Variants in TARBP1 observed in about 807,000 individuals in gnomAD.
TARBP1 encodes tRNA (guanosine(18)-2'-O)-methyltransferase TARBP1.
In TARBP1, 144 loss-of-function variants were observed where a neutral mutation model predicts 178.6. The ratio of observed to expected loss-of-function variants is 0.81; its 90% CI spans 0.70 to 0.93. The LOEUF (loss-of-function observed/expected upper bound fraction) is 0.93. Among genes scored for constraint, TARBP1 ranks in the 40% least tolerant of loss-of-function variants. The probability of loss-of-function intolerance (pLI) is 0.00; values close to 1 mark genes in which losing one functional copy is unlikely to be tolerated. For synonymous variants in TARBP1, 787 were observed against 781.0 expected, an observed-to-expected ratio of 1.01 and a Z score of -0.13; for missense variants, 2,067 against 2,011.7, an observed-to-expected ratio of 1.03 and a Z score of -0.53.
At chr1:234,454,302 C>G (rs1299425248) in intron 9 of TARBP1, among the ~76,000 whole-genome samples, 3 of 152,086 alleles carry the variant, frequency 2.0e-5, no homozygotes, top group African/African-American at 4.8e-5. Context: ...TCTGACCAAA[C>G]AGAAAGAAAA....
chr1:234,393,338 A>C, intron 28 of TARBP1, 24 bp downstream of exon 28: 6 of 1,468,772 alleles, frequency 4.1e-6, no homozygotes, highest in Non-Finnish European at 5.5e-6. Context: ...TAAGAACTTT[A>C]ATAATAAATT....
chr1:234,392,331 G>A (rs149666575), intron 29 of TARBP1, 85 bp downstream of exon 29: 81 of 1,523,138 alleles, frequency 5.3e-5, no homozygotes, highest in Admixed American at 2.0e-4. Flanking sequence ...GTGAGACTCC[G>A]TCTCAAAAAC....
intron 5 of TARBP1, among the ~76,000 whole-genome samples, chr1:234,464,715 T>C (rs3754309): frequency 0.084 from 12,723 of 152,216 alleles, 930 homozygotes; most frequent in East Asian, 0.28. Flanking sequence ...AGAAATTGGC[T>C]GGTGGGGGGA....
At chr1:234,401,346 G>A in intron 24 of TARBP1, 84 bp from the exon 25 acceptor site, 1 of 1,053,962 alleles carries the variant, frequency 9.5e-7, no homozygotes, top group Non-Finnish European at 1.4e-6. Context: ...CTTAAAGGGT[G>A]GCTGCAGAGT....
intron 24 of TARBP1, among the ~76,000 whole-genome samples, chr1:234,402,020 C>A (rs928369112): frequency 6.6e-6 from 1 of 152,218 alleles, no homozygotes; most frequent in Non-Finnish European, 1.5e-5. Context: ...GCCCTATCTC[C>A]CCCAACTTCC....
intron 14 of TARBP1, among the ~76,000 whole-genome samples, chr1:234,433,123 A>G (rs921122141): frequency 5.3e-5 from 8 of 152,118 alleles, no homozygotes; most frequent in African/African-American, 1.9e-4. Flanking sequence ...CTGTAATCCC[A>G]GCTACTCAGG....
intron 6 of TARBP1, among the ~76,000 whole-genome samples, 168 bp downstream of exon 6, chr1:234,463,669 A>T (rs539216972): frequency 7.2e-5 from 11 of 152,188 alleles, no homozygotes; most frequent in Non-Finnish European, 4.4e-5. Context: ...TAAAGTGTGT[A>T]CTCAAAAAAG....
At chr1:234,457,521 C>A in intron 9 of TARBP1, 146 bp downstream of exon 9, 1 of 531,266 alleles carries the variant, frequency 1.9e-6, no homozygotes, top group Non-Finnish European at 3.3e-6. Flanking sequence ...TAAGTCCACT[C>A]AAAGCAAATA....
intron 25 of TARBP1, among the ~76,000 whole-genome samples, chr1:234,399,595 T>C (rs917453136): frequency 6.6e-5 from 10 of 152,110 alleles, no homozygotes; most frequent in African/African-American, 1.9e-4. Flanking sequence ...CGTATGTTTA[T>C]TGCGGCACTA....
chr1:234,433,856 C>T (rs1218201195), intron 13 of TARBP1, among the ~76,000 whole-genome samples: 2 of 152,182 alleles, frequency 1.3e-5, no homozygotes, highest in African/African-American at 4.8e-5. Flanking sequence ...GCAGAAATTA[C>T]CATCTACCAA....
intron 26 of TARBP1, among the ~76,000 whole-genome samples, chr1:234,394,369 A>G (rs1045673498): frequency 9.9e-5 from 15 of 152,222 alleles, no homozygotes; most frequent in African/African-American, 3.6e-4. Flanking sequence ...AGGACACAGA[A>G]CGTTACTAGC....
intron 28 of TARBP1, among the ~76,000 whole-genome samples, chr1:234,393,039 G>A (rs1185051695): frequency 6.6e-6 from 1 of 152,004 alleles, no homozygotes; most frequent in Non-Finnish European, 1.5e-5. Flanking sequence ...AAATTTCTAA[G>A]AATTATTCCT....
At chr1:234,408,894 T>C (rs1220083147) in intron 23 of TARBP1, among the ~76,000 whole-genome samples, 1 of 152,208 alleles carries the variant, frequency 6.6e-6, no homozygotes, top group Non-Finnish European at 1.5e-5. Context: ...ATCGGCTCTG[T>C]GTAGGCGGCG....
At position 234,465,710 on chromosome 1, in the gene TARBP1, T is replaced by TA. The variant is rs531256921; in HGVS notation, c.1249-3dup. 152,930 of 1,252,380 alleles carry TA rather than the reference T, an allele frequency of 0.12. 1,799 individuals carry two copies. Among genetic ancestry groups the TA allele is most frequent in the African/African-American group, 0.24 (12,544 of 51,524 alleles). The allele number at this position is 1,252,380 out of a possible 1,614,324, so 77.6% of individuals were successfully genotyped here. A position where few individuals can be genotyped will look rare whatever the true frequency, so the allele number is the denominator to read the frequency against. ...ATCCATTAATGGTCCAATAATAAAC[T>TA]AAAAAAAAAAAAAAAAAAAGACACG... On this transcript the variant is annotated splice_polypyrimidine_tract_variant and splice_region_variant and intron_variant, in intron 4 of 29. Coordinates refer to ENST00000040877, the MANE Select transcript of TARBP1 (RefSeq NM_005646.4).
chr1:234,465,479 C>T (rs3736837), intron 5 of TARBP1, among the ~76,000 whole-genome samples, 177 bp downstream of exon 5: 12,623 of 151,982 alleles, frequency 0.083, 913 homozygotes, highest in East Asian at 0.27. Flanking sequence ...AGGAGAAACA[C>T]TTGATGCAAA....
At chr1:234,449,399 G>C (rs898474983) in intron 10 of TARBP1, among the ~76,000 whole-genome samples, 1 of 152,226 alleles carries the variant, frequency 6.6e-6, no homozygotes, top group African/African-American at 2.4e-5. Flanking sequence ...AGGTAACTCC[G>C]TAAGAGGCAA....
At chr1:234,447,529 G>C (rs1558222081) in intron 11 of TARBP1, among the ~76,000 whole-genome samples, 1 of 151,526 alleles carries the variant, frequency 6.6e-6, no homozygotes, top group African/African-American at 2.4e-5. Context: ...TAAGTAGCTG[G>C]GACCACAGGT....
In TARBP1 at chr1:234,478,864, G is replaced by C; in HGVS notation, c.240C>G (p.Pro80=). 3.1e-6 allele frequency: 4 copies of C among 1,279,366 alleles called. No homozygotes were observed. The highest frequency in any genetic ancestry group is 2.0e-6 in the Non-Finnish European group (2 of 1,017,964). The allele number at this position is 1,279,366 out of a possible 1,614,324, so 79.3% of individuals were successfully genotyped here. A position where few individuals can be genotyped will look rare whatever the true frequency, so the allele number is the denominator to read the frequency against. Residue 80 remains proline, a synonymous_variant, in exon 1 of 30, where the codon CCC becomes CCG. Transcript: ENST00000040877. ...VPLLRSLRGR[P]AGGPDPSLQP... The stretch of plus-strand genomic sequence containing the variant: ...GCAGACTGGGGTCCGGGCCGCCCGC[G>C]GGGCGTCCGCGCAGGCTCCGCAGCA...
chr1:234,392,642 T>C (rs1659500494), intron 28 of TARBP1, 90 bp from the exon 29 acceptor site: 1 of 1,155,458 alleles, frequency 8.7e-7, no homozygotes, highest in East Asian at 2.4e-5. Context: ...TAACCTAAAC[T>C]TAACTCTTTA....
Sources: allele counts gnomAD v4.1 joint callset (sites outside exome capture counted in the v4.1 genomes callset), GRCh38; gene constraint gnomAD v4.1.1; transcripts MANE v1.5; gene names NCBI Gene and HGNC (gene_info 2026-07-23, HGNC 2026-07-21).